STEAP1B: variants seen among roughly 807,000 people sequenced by gnomAD.
STEAP1B encodes the protein STEAP family member 1B, also known as STEAP family protein MGC87042.
Under a neutral mutation model 27.9 loss-of-function variants are expected in STEAP1B, and 13 were observed. That is an observed-to-expected ratio of 0.47 (90% CI 0.30 to 0.74). STEAP1B has a LOEUF of 0.74. STEAP1B is among the 30% of genes least tolerant of loss of function. The pLI is 0.06. For synonymous variants in STEAP1B, 86 were observed against 107.1 expected, an observed-to-expected ratio of 0.80 and a Z score of 1.22; for missense variants, 250 against 298.7, an observed-to-expected ratio of 0.84 and a Z score of 1.20.
Position 22,419,670 on chromosome 7 carries a change from A to G in STEAP1B, c.*134T>C. On this transcript the variant is annotated 3_prime_UTR_variant, in exon 5 of 5. Transcript: ENST00000678116. ...TGCCCTGCCGGATCCATGTTGACAG[A>G]GCAGCCGTCACCTGCAGCATGGCTG... 9 of 1,015,944 alleles carry G rather than the reference A, an allele frequency of 8.9e-6. No homozygotes were observed. The South Asian group carries it at 1.6e-4, about 18-fold the overall frequency. The allele number at this position is 1,015,944 out of a possible 1,614,324, so 62.9% of individuals were successfully genotyped here.
At chr7:22,442,992 C>T (rs372401764) in intron 4 of STEAP1B, among the ~76,000 whole-genome samples, 2 of 152,206 alleles carry the variant, frequency 1.3e-5, no homozygotes, top group African/African-American at 4.8e-5. Context: ...CCAGCAGCTC[C>T]AGCACGCCCT....
intron 4 of STEAP1B, among the ~76,000 whole-genome samples, chr7:22,464,499 C>T (rs1785737636): frequency 6.6e-6 from 1 of 152,148 alleles, no homozygotes. Context: ...TGCCTGCCCC[C>T]GTCATTCTTA....
intron 4 of STEAP1B, among the ~76,000 whole-genome samples, chr7:22,439,402 C>G (rs939370007): frequency 2.0e-5 from 3 of 152,132 alleles, no homozygotes; most frequent in African/African-American, 7.2e-5. Flanking sequence ...AATCCTGATA[C>G]TTCAGATTAT....
chr7:22,492,545 T>C lies in STEAP1B; in HGVS notation c.762+20A>G. 1.3e-6 allele frequency: 2 copies of C among 1,564,118 alleles called. No homozygotes were observed. The highest frequency in any genetic ancestry group is 2.5e-5 in the South Asian group (2 of 81,538). On this transcript the variant is annotated intron_variant, in intron 4 of 4. Transcript: ENST00000678116. Reference sequence around the variant, plus strand: ...CAAAAAGAAGATTTACCTCTTAGGGTTATTTTATATATTATTTACCTGAAT... The same window carrying C: ...CAAAAAGAAGATTTACCTCTTAGGGCTATTTTATATATTATTTACCTGAAT...
chr7:22,476,269 T>C lies in STEAP1B; in HGVS notation c.762+16296A>G, dbSNP rs187465160. Among the ~76,000 whole-genome samples the C allele has an allele frequency of 4.6e-5, 7 of 152,166 alleles. No homozygotes were observed. In the East Asian group the frequency reaches 9.7e-4, roughly 21 times the overall value. The stretch of plus-strand genomic sequence containing the variant: ...TGTACCAGACCCCTATTAACCTCAA[T>C]AGGGATGGTACCATGTTTGAGAGGC... On this transcript the variant is annotated intron_variant, in intron 4 of 4. Transcript: ENST00000678116.
intron 4 of STEAP1B, among the ~76,000 whole-genome samples, chr7:22,448,739 T>C (rs893555075): frequency 6.6e-6 from 1 of 152,166 alleles, no homozygotes; most frequent in Non-Finnish European, 1.5e-5. Flanking sequence ...CCTGCAGGCA[T>C]GTTCTGAGGC....
At chr7:22,456,968 A>ATTTTTTTTTTTTTT (rs1554285700) in intron 4 of STEAP1B, among the ~76,000 whole-genome samples, 2 of 47,944 alleles carry the variant, frequency 4.2e-5, no homozygotes, top group African/African-American at 6.2e-5. Context: ...ATATATATAT[A>ATTTTTTTTTTTTTT]TATATTTTTT....
intron 4 of STEAP1B, among the ~76,000 whole-genome samples, chr7:22,448,632 C>G (rs1785441884): frequency 6.6e-6 from 1 of 151,998 alleles, no homozygotes; most frequent in Non-Finnish European, 1.5e-5. Flanking sequence ...ATAAATATGA[C>G]AACTTTAGAC....
chr7:22,482,523 C>G (rs1786098589), intron 4 of STEAP1B, among the ~76,000 whole-genome samples: 1 of 152,148 alleles, frequency 6.6e-6, no homozygotes, highest in South Asian at 2.1e-4. Context: ...AGCCAGAGCC[C>G]AGGATCCCAG....
chr7:22,469,070 G>A (rs142700668), intron 4 of STEAP1B, among the ~76,000 whole-genome samples: 3 of 152,158 alleles, frequency 2.0e-5, no homozygotes, highest in Non-Finnish European at 4.4e-5. Context: ...TTTTTATCAT[G>A]GGACATCACA....
intron 4 of STEAP1B, among the ~76,000 whole-genome samples, chr7:22,449,712 A>C (rs1017361283): frequency 2.0e-5 from 3 of 152,194 alleles, no homozygotes; most frequent in Non-Finnish European, 4.4e-5. Context: ...TTTTTTGAGG[A>C]ATCTCCAAAC....
At chr7:22,494,929 T>C (rs1408698133) in intron 1 of STEAP1B, 43 bp from the exon 2 acceptor site, 1 of 1,002,862 alleles carries the variant, frequency 1.0e-6, no homozygotes, top group Non-Finnish European at 1.5e-6. Flanking sequence ...ATTCTACTTA[T>C]GATGTGAATG....
intron 1 of STEAP1B, among the ~76,000 whole-genome samples, chr7:22,495,965 G>A (rs921838323): frequency 2.6e-5 from 4 of 152,130 alleles, no homozygotes; most frequent in African/African-American, 9.7e-5. Context: ...CAAAAAAAGA[G>A]CTAACTGTAA....
intron 4 of STEAP1B, among the ~76,000 whole-genome samples, chr7:22,486,373 A>C (rs1227475502): frequency 1.3e-5 from 2 of 152,220 alleles, no homozygotes; most frequent in Non-Finnish European, 2.9e-5. Context: ...CCAAAGCCAG[A>C]GGCAGAATAC....
At chr7:22,463,315 C>A (rs1008000041) in intron 4 of STEAP1B, among the ~76,000 whole-genome samples, 24 of 152,064 alleles carry the variant, frequency 1.6e-4, no homozygotes, top group African/African-American at 5.3e-4. Context: ...AGGATACAAA[C>A]AAATGCAAGA....
At chr7:22,430,700 A>C (rs1785174643) in intron 4 of STEAP1B, among the ~76,000 whole-genome samples, 1 of 152,174 alleles carries the variant, frequency 6.6e-6, no homozygotes, top group South Asian at 2.1e-4. Context: ...CGTTTTTCTC[A>C]AGGAATGTGA....
chr7:22,450,305 G>A lies in STEAP1B; in HGVS notation c.763-30469C>T, dbSNP rs115536625. 3.7e-3 allele frequency among the ~76,000 whole-genome samples: 567 copies of A among 152,268 alleles called. 7 individuals are homozygous for A. The highest frequency in any genetic ancestry group is 0.013 in the African/African-American group (541 of 41,554). ...GTTTCTTTGTAGTAGTTTCATACTT[G>A]GGATCTTAGATTTAAATGTCTAATC... On this transcript the variant is annotated intron_variant, in intron 4 of 4. Transcript: ENST00000678116.
chr7:22,452,714 A>T (rs957169524), intron 4 of STEAP1B, among the ~76,000 whole-genome samples: 6 of 152,240 alleles, frequency 3.9e-5, no homozygotes, highest in African/African-American at 1.4e-4. Context: ...CAGAGTAAGC[A>T]GGAACTACAT....
intron 1 of STEAP1B, among the ~76,000 whole-genome samples, chr7:22,499,382 G>GT (rs762539777): frequency 1.4e-4 from 21 of 150,122 alleles, no homozygotes; most frequent in African/African-American, 2.5e-4. Flanking sequence ...AGTTTTTTGG[G>GT]TTTTTTTTTC....
Sources: gnomAD v4.1 joint callset for allele counts (sites outside exome capture counted in the v4.1 genomes callset) on GRCh38, gnomAD v4.1.1 for gene constraint, MANE v1.5 for transcripts, NCBI Gene and HGNC (gene_info 2026-07-23, HGNC 2026-07-21) for gene names.